The following ADAM32 variants were observed in gnomAD, a reference collection of about 807,000 sequenced individuals.
ADAM32 encodes the protein ADAM metallopeptidase domain 32.
ADAM32 carries 89 observed loss-of-function variants against 114.9 expected under a neutral mutation model. The observed-to-expected ratio is 0.77, with a 90% confidence interval of 0.65 to 0.92. The LOEUF is 0.92. Ranked by LOEUF, ADAM32 falls within the 40% of genes least tolerant of loss-of-function variation. ADAM32 has a pLI of 0.00. For synonymous variants in ADAM32, 285 were observed against 307.5 expected (o/e 0.93, Z 0.77); for missense variants, 870 against 932.8 (o/e 0.93, Z 0.88).
chr8:39,111,663 G>A (rs1284202785), intron 1 of ADAM32, among the ~76,000 whole-genome samples: 1 of 143,946 alleles, frequency 6.9e-6, no homozygotes, highest in Non-Finnish European at 1.5e-5. Flanking sequence ...GGAGGTTGCA[G>A]TGAGCCAATA....
intron 15 of ADAM32, 45 bp from the exon 16 acceptor site, chr8:39,233,854 A>T (rs761413437): frequency 1.4e-5 from 17 of 1,205,180 alleles, no homozygotes; most frequent in Middle Eastern, 5.5e-4. Context: ...CATTCCTAAT[A>T]AATTCCTAAT....
chr8:39,232,359 C>A (rs1189170252), intron 15 of ADAM32, among the ~76,000 whole-genome samples: 2 of 152,086 alleles, frequency 1.3e-5, no homozygotes, highest in Non-Finnish European at 2.9e-5. Flanking sequence ...GTTTCTAAAT[C>A]CAATCCAAAG....
chr8:39,152,314 A>G (rs534313707), intron 6 of ADAM32, among the ~76,000 whole-genome samples: 1 of 152,358 alleles, frequency 6.6e-6, no homozygotes, highest in African/African-American at 2.4e-5. Context: ...CAATTGTGAA[A>G]GAGAAAATTT....
At chr8:39,250,393 G>A (rs10958543) in intron 17 of ADAM32, among the ~76,000 whole-genome samples, 32,721 of 151,078 alleles carry the variant, frequency 0.22, 3,786 homozygotes, top group East Asian at 0.28. Context: ...CTTCATTTCT[G>A]TTGCAGTGTT....
chr8:39,161,277 T>C (rs1585427421), intron 7 of ADAM32, among the ~76,000 whole-genome samples: 1 of 152,352 alleles, frequency 6.6e-6, no homozygotes, highest in Middle Eastern at 3.4e-3. Context: ...AGTGAAATTC[T>C]ATTTTAGGGA....
At chr8:39,264,843 C>T (rs1306422464) in intron 19 of ADAM32, among the ~76,000 whole-genome samples, 5 of 151,976 alleles carry the variant, frequency 3.3e-5, no homozygotes, top group South Asian at 4.1e-4. Context: ...TTAATTTCTA[C>T]GTGATTGTAT....
chr8:39,234,059 G>A lies in ADAM32; in HGVS notation c.1795G>A (p.Gly599Ser). Residue 599 changes from glycine (G) to serine (S), a missense_variant, in exon 16 of 25, where the codon GGC becomes AGC. By Grantham distance (56) the Gly-to-Ser change is moderately conservative (BLOSUM62 0). Transcript: ENST00000379907. ...TCCAGATCCACTGGCTGTCAAAAATGGCTCTCAGTGTGATATTGGGAGGGT... is the reference window on the plus strand; with the variant it reads ...TCCAGATCCACTGGCTGTCAAAAATAGCTCTCAGTGTGATATTGGGAGGGT... Reference protein sequence around the residue: ...TVPDPLAVKNGSQCDIGRVCV... With the variant: ...TVPDPLAVKNSSQCDIGRVCV... 6.7e-7 allele frequency: 1 copy of A among 1,482,682 alleles called. No homozygotes were observed. Among genetic ancestry groups the A allele is most frequent in the South Asian group, 1.5e-5 (1 of 67,028 alleles). The allele number at this position is 1,482,682 out of a possible 1,614,324, so 91.8% of individuals were successfully genotyped here. A position where few individuals can be genotyped will look rare whatever the true frequency, so the allele number is the denominator to read the frequency against.
At chr8:39,124,414 C>CTTTTTTTT (rs57362503) in intron 2 of ADAM32, among the ~76,000 whole-genome samples, 9 of 136,670 alleles carry the variant, frequency 6.6e-5, no homozygotes, top group Non-Finnish European at 7.9e-5. Context: ...TTTTCTTTTT[C>CTTTTTTTT]TTTTTTTTTT....
chr8:39,208,836 T>C (rs1305953258), intron 11 of ADAM32, among the ~76,000 whole-genome samples: 3 of 152,192 alleles, frequency 2.0e-5, no homozygotes, highest in Non-Finnish European at 4.4e-5. Flanking sequence ...GTCTTTGACC[T>C]ATGAGAGTTT....
At position 39,248,669 on chromosome 8, in the gene ADAM32, C is replaced by CT. The variant is rs544922920; in HGVS notation, c.1902+2510dup. On this transcript the variant is annotated intron_variant, in intron 17 of 24. Transcript: ENST00000379907. ...TATTTCTTTCTTCCCAATCAGTATA[C>CT]TTTTTTTATTATTTTATTGTATTAG... 1.2e-3 allele frequency among the ~76,000 whole-genome samples: 179 copies of CT among 152,114 alleles called. 1 individual carries two copies. Among genetic ancestry groups the CT allele is most frequent in the African/African-American group, 3.0e-3 (126 of 41,508 alleles).
intron 6 of ADAM32, among the ~76,000 whole-genome samples, chr8:39,159,616 C>A (rs138837421): frequency 1.3e-5 from 2 of 152,136 alleles, no homozygotes; most frequent in African/African-American, 2.4e-5. Flanking sequence ...TTTTCTTGTC[C>A]GTTTTTCCTT....
intron 6 of ADAM32, chr8:39,158,677 G>T: frequency 5.8e-6 from 1 of 171,096 alleles, no homozygotes; most frequent in South Asian, 1.4e-4. Flanking sequence ...CCATGTCTTG[G>T]AGCAAAAGAT....
At chr8:39,201,635 A>T (rs1283685986) in intron 11 of ADAM32, among the ~76,000 whole-genome samples, 1 of 152,134 alleles carries the variant, frequency 6.6e-6, no homozygotes, top group Non-Finnish European at 1.5e-5. Context: ...CTCCTGCCTG[A>T]TTGCCCTGGC....
At chr8:39,125,043 A>T (rs1027429759) in intron 2 of ADAM32, among the ~76,000 whole-genome samples, 1 of 152,090 alleles carries the variant, frequency 6.6e-6, no homozygotes, top group East Asian at 1.9e-4. Flanking sequence ...CACCATTCTA[A>T]CTAGTGTAAG....
chr8:39,262,895 A>T (rs1812133179), intron 19 of ADAM32, among the ~76,000 whole-genome samples: 1 of 151,746 alleles, frequency 6.6e-6, no homozygotes, highest in Non-Finnish European at 1.5e-5. Context: ...TTTAATACAG[A>T]TGGAGTTTCA....
upstream of ADAM32, chr8:39,107,648 T>C: frequency 6.7e-7 from 1 of 1,498,990 alleles, no homozygotes; most frequent in Non-Finnish European, 8.9e-7. Flanking sequence ...GCACCCCGTC[T>C]CCGGGGCCTC....
chr8:39,132,823 C>T (rs1484552371), intron 2 of ADAM32, among the ~76,000 whole-genome samples: 6 of 151,922 alleles, frequency 3.9e-5, no homozygotes, highest in Non-Finnish European at 8.8e-5. Flanking sequence ...AATGAACAAT[C>T]TGCCACTAAT....
At chr8:39,143,129 G>A (rs1803276502) in intron 3 of ADAM32, among the ~76,000 whole-genome samples, 1 of 151,946 alleles carries the variant, frequency 6.6e-6, no homozygotes, top group South Asian at 2.1e-4. Context: ...AAGGTTTTTG[G>A]CTTCCTTGTG....
chr8:39,262,474 A>T (rs1812097286), intron 19 of ADAM32, among the ~76,000 whole-genome samples: 1 of 152,140 alleles, frequency 6.6e-6, no homozygotes, highest in Admixed American at 6.5e-5. Flanking sequence ...TGAGTCTGGT[A>T]GTACAATTCT....
Sources: allele counts gnomAD v4.1 joint callset (sites outside exome capture counted in the v4.1 genomes callset), GRCh38; gene constraint gnomAD v4.1.1; transcripts MANE v1.5; gene names NCBI Gene and HGNC (gene_info 2026-07-23, HGNC 2026-07-21).